The following ADD1 variants were observed in gnomAD, a reference collection of about 807,000 sequenced individuals.
ADD1 encodes the protein adducin 1, also known as alpha-adducin.
ADD1 carries 24 observed loss-of-function variants against 80.5 expected under a neutral mutation model. That is an observed-to-expected ratio of 0.30 (90% CI 0.22 to 0.42). ADD1 has a LOEUF of 0.42. Ranked by LOEUF, ADD1 falls within the 10% of genes least tolerant of loss-of-function variation. The probability of loss-of-function intolerance (pLI) is 1.00; values close to 1 mark genes in which losing one functional copy is unlikely to be tolerated. For synonymous variants in ADD1, 373 were observed against 393.8 expected (o/e 0.95, Z 0.63); for missense variants, 948 against 1,019.0 (o/e 0.93, Z 0.95).
At chr4:2,860,716 A>G (rs982475934) in intron 1 of ADD1, among the ~76,000 whole-genome samples, 4 of 152,236 alleles carry the variant, frequency 2.6e-5, no homozygotes, top group African/African-American at 9.6e-5. Context: ...TAATACTAAG[A>G]GTTAACACTT....
At chr4:2,852,540 C>T (rs1369069134) in intron 1 of ADD1, among the ~76,000 whole-genome samples, 1 of 151,258 alleles carries the variant, frequency 6.6e-6, no homozygotes. Flanking sequence ...TACTCCATTT[C>T]AGTTTTTTTC....
At chr4:2,860,007 G>T (rs1438527669) in intron 1 of ADD1, among the ~76,000 whole-genome samples, 2 of 151,188 alleles carry the variant, frequency 1.3e-5, no homozygotes, top group Non-Finnish European at 2.9e-5. Flanking sequence ...TAGAGTGTTG[G>T]TTTTTTCCTT....
intron 1 of ADD1, among the ~76,000 whole-genome samples, chr4:2,848,021 C>T (rs1726515325): frequency 6.6e-6 from 1 of 152,092 alleles, no homozygotes; most frequent in Admixed American, 6.6e-5. Context: ...TCGAGGCCAG[C>T]CTGGCCAGCA....
intron 3 of ADD1, 46 bp from the exon 4 acceptor site, chr4:2,884,469 G>A (rs1732913075): frequency 1.3e-6 from 2 of 1,514,572 alleles, no homozygotes; most frequent in East Asian, 2.3e-5. Flanking sequence ...AGGACTACAG[G>A]CGTATACCAC....
At chr4:2,862,999 A>G (rs1463248070) in intron 1 of ADD1, among the ~76,000 whole-genome samples, 1 of 152,030 alleles carries the variant, frequency 6.6e-6, no homozygotes, top group African/African-American at 2.4e-5. Flanking sequence ...CCATGACCCA[A>G]CTATAGAGAC....
At chr4:2,885,334 C>G (rs994533427) in intron 4 of ADD1, among the ~76,000 whole-genome samples, 1 of 152,178 alleles carries the variant, frequency 6.6e-6, no homozygotes, top group Non-Finnish European at 1.5e-5. Flanking sequence ...TTACCTTTCT[C>G]CATAGATTCA....
chr4:2,906,394 A>C (rs1737070979), intron 10 of ADD1, among the ~76,000 whole-genome samples: 1 of 129,220 alleles, frequency 7.7e-6, no homozygotes, highest in Non-Finnish European at 1.6e-5. Flanking sequence ...GTTATAAAAC[A>C]AAAAAAAAAA....
intron 1 of ADD1, among the ~76,000 whole-genome samples, chr4:2,866,433 C>G (rs529586539): frequency 2.6e-5 from 4 of 152,050 alleles, no homozygotes; most frequent in African/African-American, 7.2e-5. Context: ...GCCTTGGCCT[C>G]CCAGAGTGCT....
At chr4:2,908,474 G>A (rs1737435218) in intron 11 of ADD1, 41 bp from the exon 12 acceptor site, 2 of 1,573,332 alleles carry the variant, frequency 1.3e-6, no homozygotes, top group African/African-American at 1.3e-5. Flanking sequence ...CAGCATGGCT[G>A]CTCAGGACTG....
chr4:2,898,886 TAG>T (rs1735706784), intron 8 of ADD1: 1 of 384,222 alleles, frequency 2.6e-6, no homozygotes, highest in African/African-American at 2.0e-5. Context: ...TATACAGAAG[TAG>T]AGACTCAGAG....
At chr4:2,852,186 CTTT>C (rs762733079) in intron 1 of ADD1, among the ~76,000 whole-genome samples, 3,009 of 39,312 alleles carry the variant, frequency 0.077, 72 homozygotes, top group Middle Eastern at 0.14. Flanking sequence ...TTCTTTCTTT[CTTT>C]CTTTCTTTCC....
chr4:2,911,532 C>T (rs371137055), intron 13 of ADD1, among the ~76,000 whole-genome samples: 5 of 151,308 alleles, frequency 3.3e-5, no homozygotes, highest in South Asian at 4.2e-4. Context: ...CTGCAACCTC[C>T]GCCTCCCGGG....
chr4:2,907,741 A>G lies in ADD1; in HGVS notation c.1507-2A>G. On this transcript the variant is annotated splice_acceptor_variant, in intron 10 of 15. Transcript: ENST00000683351. LOFTEE classifies it high-confidence loss of function. Reference sequence around the variant, plus strand: ...ACTTTTCAACTGTTCTTGATATTACAGTGGACTAAAGAGGATGGACATAGA... The same window carrying G: ...ACTTTTCAACTGTTCTTGATATTACGGTGGACTAAAGAGGATGGACATAGA... 6.2e-7 allele frequency: 1 copy of G among 1,612,900 alleles called. No individual in the cohort carries two copies. Among genetic ancestry groups the G allele is most frequent in the Non-Finnish European group, 8.5e-7 (1 of 1,178,938 alleles).
chr4:2,875,701 T>G (rs1731170026), intron 1 of ADD1, among the ~76,000 whole-genome samples, 195 bp from the exon 2 acceptor site: 3 of 152,096 alleles, frequency 2.0e-5, no homozygotes, highest in Admixed American at 2.0e-4. Context: ...CATTGGTTAG[T>G]GGGAGGGTGG....
intron 14 of ADD1, among the ~76,000 whole-genome samples, chr4:2,917,587 A>G (rs1739301105): frequency 6.6e-6 from 1 of 152,080 alleles, no homozygotes; most frequent in African/African-American, 2.4e-5. Context: ...TTGGTGTTTT[A>G]GTCATGAAGT....
At chr4:2,860,447 G>A (rs1430846634) in intron 1 of ADD1, among the ~76,000 whole-genome samples, 1 of 152,182 alleles carries the variant, frequency 6.6e-6, no homozygotes, top group Non-Finnish European at 1.5e-5. Flanking sequence ...TACTCCAAGG[G>A]TCTCTTCAGT....
chr4:2,870,971 C>CTTT (rs34690642), intron 1 of ADD1, among the ~76,000 whole-genome samples: 2 of 139,732 alleles, frequency 1.4e-5, no homozygotes, highest in Non-Finnish European at 3.1e-5. Flanking sequence ...CATTTTCTTT[C>CTTT]TTTTTTTTTT....
At chr4:2,878,749 C>A (rs999412136) in intron 2 of ADD1, among the ~76,000 whole-genome samples, 5 of 152,124 alleles carry the variant, frequency 3.3e-5, no homozygotes, top group African/African-American at 1.2e-4. Flanking sequence ...ATGATTGCAC[C>A]ACTGCACTCC....
intron 1 of ADD1, among the ~76,000 whole-genome samples, chr4:2,847,113 C>T (rs566077316): frequency 8.8e-4 from 133 of 151,552 alleles, no homozygotes; most frequent in Non-Finnish European, 1.7e-3. Flanking sequence ...AGCGAGACTC[C>T]GTCTCAAAAA....
Sources: gnomAD v4.1 joint callset for allele counts (sites outside exome capture counted in the v4.1 genomes callset) on GRCh38, gnomAD v4.1.1 for gene constraint, MANE v1.5 for transcripts, NCBI Gene and HGNC (gene_info 2026-07-23, HGNC 2026-07-21) for gene names.